Variants in ZNF618 observed in about 807,000 individuals in gnomAD.
The protein encoded by ZNF618 is neural precursor cell expressed, developmentally down-regulated 10.
A neutral mutation model predicts 103.0 loss-of-function variants in ZNF618; 34 were observed. The observed-to-expected ratio is 0.33, with a 90% CI of 0.25 to 0.44. The LOEUF is 0.44. Ranked by LOEUF, ZNF618 falls within the 20% of genes least tolerant of loss-of-function variation. ZNF618 has a pLI of 1.00. For synonymous variants in ZNF618, 551 were observed against 542.2 expected (o/e 1.02, Z -0.23); for missense variants, 1,059 against 1,295.4 (o/e 0.82, Z 2.80).
At chr9:114,046,919 G>T (rs1845706916) in intron 13 of ZNF618, among the ~76,000 whole-genome samples, 1 of 152,146 alleles carries the variant, frequency 6.6e-6, no homozygotes, top group Non-Finnish European at 1.5e-5. Context: ...TATCTATGTT[G>T]CTGGATTATT....
intron 10 of ZNF618, among the ~76,000 whole-genome samples, chr9:114,023,666 A>C (rs1189140747): frequency 1.3e-5 from 2 of 152,116 alleles, no homozygotes; most frequent in Non-Finnish European, 2.9e-5. Flanking sequence ...TATTGGTGAA[A>C]GATTCTCTAA....
chr9:113,921,242 GT>G (rs1343762430), intron 1 of ZNF618, among the ~76,000 whole-genome samples: 2 of 152,136 alleles, frequency 1.3e-5, no homozygotes, highest in Non-Finnish European at 2.9e-5. Flanking sequence ...TTTCTGGTCC[GT>G]TTCCCCATCT....
rs1320159460 is a variant in ZNF618, at chr9:113,906,524, C to T, written c.33+30111C>T. On this transcript the variant is annotated intron_variant, in intron 1 of 14. Transcript: ENST00000374126. ...CTTCCTTTAGACTGCTGCTTTCTTT[C>T]CTGACATCTACTGAACCTACAAATG... 2.0e-5 allele frequency among the ~76,000 whole-genome samples: 3 copies of T among 152,016 alleles called. No individual in the cohort carries two copies. The East Asian group carries it at 5.8e-4, about 29-fold the overall frequency.
intron 13 of ZNF618, among the ~76,000 whole-genome samples, chr9:114,047,366 G>C (rs141704916): frequency 3.7e-4 from 57 of 152,240 alleles, no homozygotes; most frequent in African/African-American, 1.3e-3. Context: ...TGATAATTTG[G>C]TACTTTGTGT....
intron 1 of ZNF618, among the ~76,000 whole-genome samples, chr9:113,940,290 A>G (rs1434722933): frequency 1.3e-5 from 2 of 152,024 alleles, no homozygotes; most frequent in African/African-American, 4.8e-5. Flanking sequence ...TCACATGATC[A>G]GTTTGTAATT....
intron 2 of ZNF618, among the ~76,000 whole-genome samples, chr9:113,972,888 G>A (rs1040587916): frequency 2.6e-5 from 4 of 152,070 alleles, no homozygotes; most frequent in Non-Finnish European, 4.4e-5. Context: ...CCAACATGGC[G>A]AAACCCTGTC....
intron 13 of ZNF618, among the ~76,000 whole-genome samples, chr9:114,045,807 A>G (rs1345332862): frequency 6.6e-6 from 1 of 151,916 alleles, no homozygotes; most frequent in Non-Finnish European, 1.5e-5. Context: ...GAGTTGGGAC[A>G]TTCCATGTTC....
intron 1 of ZNF618, among the ~76,000 whole-genome samples, 198 bp downstream of exon 1, chr9:113,876,611 G>T (rs1244181717): frequency 1.3e-5 from 2 of 151,900 alleles, no homozygotes; most frequent in African/African-American, 4.8e-5. Context: ...GGAGGGTGGG[G>T]GTGACGAGGG....
At chr9:113,887,061 G>T (rs1330208840) in intron 1 of ZNF618, among the ~76,000 whole-genome samples, 1 of 144,448 alleles carries the variant, frequency 6.9e-6, no homozygotes, top group Admixed American at 7.2e-5. Flanking sequence ...ATTTCTATTG[G>T]ACAGTGCTGA....
In ZNF618 at chr9:114,053,144, G is replaced by A. The variant is rs1846234713; in HGVS notation, c.*2977G>A. ...TTCTCAGACAGGCTGTTCTCAGAGT[G>A]CAAATCCTGCTGCAACTAACAGCTT... On this transcript the variant is annotated 3_prime_UTR_variant, in exon 15 of 15. Transcript: ENST00000374126. The A allele has an allele frequency of 1.3e-5, 2 of 152,628 alleles. No homozygotes were observed. The highest frequency in any genetic ancestry group is 2.9e-5 in the Non-Finnish European group (2 of 68,060). 9.5% of individuals were successfully genotyped at this position (152,628 alleles called of 1,614,324 possible). A position where few individuals can be genotyped will look rare whatever the true frequency, so the allele number is the denominator to read the frequency against.
chr9:114,002,612 C>G lies in ZNF618; in HGVS notation c.512-12C>G, dbSNP rs1336245088. 1 of 1,609,798 alleles carries G rather than the reference C, an allele frequency of 6.2e-7. No individual in the cohort carries two copies. The highest frequency in any genetic ancestry group is 1.1e-5 in the South Asian group (1 of 90,888). ...TAGCCCCACCCCCATCCCTCTCTCT[C>G]TCTCTTTGCAGACACCGAAGCCACC... On this transcript the variant is annotated splice_polypyrimidine_tract_variant and intron_variant, in intron 5 of 14. Coordinates refer to ENST00000374126, the MANE Select transcript of ZNF618 (RefSeq NM_001318042.2).
chr9:114,042,659 G>A (rs902222455), intron 13 of ZNF618, among the ~76,000 whole-genome samples: 1 of 152,140 alleles, frequency 6.6e-6, no homozygotes, highest in Admixed American at 6.5e-5. Context: ...GCAATACTCT[G>A]TCTCTACAAA....
chr9:113,883,940 G>A (rs2130852681), intron 1 of ZNF618, among the ~76,000 whole-genome samples: 1 of 147,068 alleles, frequency 6.8e-6, no homozygotes, highest in African/African-American at 2.5e-5. Flanking sequence ...TATGACCTGT[G>A]GGGGCTCCAT....
chr9:114,002,217 C>G, intron 5 of ZNF618, 144 bp downstream of exon 5: 1 of 766,900 alleles, frequency 1.3e-6, no homozygotes, highest in Non-Finnish European at 2.2e-6. Context: ...ATCAGTAGGA[C>G]AGGGTGCCAG....
chr9:114,049,449 G>T lies in ZNF618; in HGVS notation c.2147G>T (p.Ser716Ile). The T allele has an allele frequency of 6.2e-7, 1 of 1,608,454 alleles. No individual in the cohort carries two copies. Among genetic ancestry groups the T allele is most frequent in the Non-Finnish European group, 8.5e-7 (1 of 1,177,458 alleles). ...TATGAGCAGATCTGCGAGTTCTACA[G>T]CCGGGCCAAGAAGATGAACCTCATC... ...ERYEQICEFY[S>I]RAKKMNLIQS... Residue 716 changes from serine (S) to isoleucine (I), a missense_variant, in exon 15 of 15, where the codon AGC becomes ATC. Physicochemically the swap from Ser to Ile is moderately radical, Grantham distance 142. Transcript: ENST00000374126.
chr9:114,042,665 A>G (rs1299049362), intron 13 of ZNF618, among the ~76,000 whole-genome samples: 2 of 152,186 alleles, frequency 1.3e-5, no homozygotes, highest in East Asian at 3.8e-4. Flanking sequence ...CTCTGTCTCT[A>G]CAAAAAAATT....
Position 114,053,932 on chromosome 9 carries a change from G to A in ZNF618, c.*3765G>A, listed in dbSNP as rs535658241. Reference sequence around the variant, plus strand: ...GCTTCACACTTGACATCTGAGGATTGGTTTTTGGCTGGAAAAAGGGTACCA... The same window carrying A: ...GCTTCACACTTGACATCTGAGGATTAGTTTTTGGCTGGAAAAAGGGTACCA... On this transcript the variant is annotated 3_prime_UTR_variant, in exon 15 of 15. Coordinates refer to ENST00000374126, the MANE Select transcript of ZNF618 (RefSeq NM_001318042.2). 1 of 152,448 alleles carries A rather than the reference G, an allele frequency of 6.6e-6. No homozygotes were observed. Among genetic ancestry groups the A allele is most frequent in the South Asian group, 2.1e-4 (1 of 4,826 alleles). The allele number at this position is 152,448 out of a possible 1,614,324, so 9.4% of individuals were successfully genotyped here.
chr9:114,049,870 T>C lies in ZNF618; in HGVS notation c.2568T>C (p.Ala856=), dbSNP rs749447142. The change falls in exon 15 of 15, where the codon GCT becomes GCC. Residue 856 remains alanine (A), a synonymous_variant. Coordinates refer to ENST00000374126, the MANE Select transcript of ZNF618 (RefSeq NM_001318042.2). ...CCGCTGCCAAGAAGCCCCGCTCTGCTGCCGTCGAGAACCCCGCAGCTCAGG... is the reference window on the plus strand; with the variant it reads ...CCGCTGCCAAGAAGCCCCGCTCTGCCGCCGTCGAGAACCCCGCAGCTCAGG... ...FEPAAKKPRS[A]AVENPAAQED... 19 of 1,613,814 alleles carry C rather than the reference T, an allele frequency of 1.2e-5. No homozygotes were observed. The highest frequency in any genetic ancestry group is 1.6e-4 in the Middle Eastern group (1 of 6,084).
Position 114,036,310 on chromosome 9 carries a change from C to G in ZNF618, c.1179C>G (p.Thr393=), listed in dbSNP as rs752868257. ...CATTTCTCCCTCCAGAACCCTACAC[C>G]TGCGGCGCCTGTGGGATCCAGTTCC... ...SSSQNSSEPY[T]CGACGIQFQF... Residue 393 remains threonine (T), a synonymous_variant, in exon 13 of 15, where the codon ACC becomes ACG. Transcript: ENST00000374126. The G allele has an allele frequency of 1.9e-6, 3 of 1,574,278 alleles. No homozygotes were observed. Among genetic ancestry groups the G allele is most frequent in the Admixed American group, 3.7e-5 (2 of 54,396 alleles).
Sources: allele counts gnomAD v4.1 joint callset (sites outside exome capture counted in the v4.1 genomes callset), GRCh38; gene constraint gnomAD v4.1.1; transcripts MANE v1.5; gene names NCBI Gene and HGNC (gene_info 2026-07-23, HGNC 2026-07-21).